The following ZNF69 variants were observed in gnomAD, a reference collection of about 807,000 sequenced individuals.
The protein encoded by ZNF69 is ZNF3.
In ZNF69, 47 loss-of-function variants were observed where a neutral mutation model predicts 50.9. The observed-to-expected ratio is 0.92, with a 90% confidence interval of 0.73 to 1.18. The LOEUF (loss-of-function observed/expected upper bound fraction) is 1.18. Among genes scored for constraint, ZNF69 ranks in the 50% most tolerant of loss-of-function variants. ZNF69 has a pLI of 0.00. For synonymous variants in ZNF69, 216 were observed against 223.1 expected (o/e 0.97, Z 0.29); for missense variants, 717 against 675.1 (o/e 1.06, Z -0.69).
chr19:11,973,494 TG>T, the ZNF69 span, among the ~76,000 whole-genome samples: 1 of 152,162 alleles, frequency 6.6e-6, no homozygotes, highest in African/African-American at 2.4e-5. Flanking sequence ...GGATTCCTCT[TG>T]TGAGCCACCA....
In ZNF69 at chr19:11,905,625, C is replaced by A. The variant is rs1318702304; in HGVS notation, c.1228C>A (p.His410Asn). The A allele has an allele frequency of 1.9e-6, 3 of 1,613,868 alleles. No homozygotes were observed. Among genetic ancestry groups the A allele is most frequent in the Non-Finnish European group, 2.5e-6 (3 of 1,180,008 alleles). The change falls in exon 4 of 4, where the codon CAC (histidine) becomes AAC (asparagine). Residue 410 changes from histidine to asparagine, a missense_variant. By Grantham distance (68) the His-to-Asn change is moderately conservative (BLOSUM62 1). Coordinates refer to ENST00000429654, the MANE Select transcript of ZNF69 (RefSeq NM_001364730.1). ...SSSLRYHERIHTGEKPYECKQ... is the reference protein window; with the variant it reads ...SSSLRYHERINTGEKPYECKQ... ...TTCCCTTCGTTATCATGAAAGGATTCACACTGGAGAGAAACCCTATGAGTG... is the reference window on the plus strand; with the variant it reads ...TTCCCTTCGTTATCATGAAAGGATTAACACTGGAGAGAAACCCTATGAGTG...
the ZNF69 span, among the ~76,000 whole-genome samples, chr19:11,942,014 C>G: frequency 6.6e-6 from 1 of 152,118 alleles, no homozygotes; most frequent in East Asian, 1.9e-4. Context: ...CTCGTTTGGC[C>G]TCTTGTGCAC....
the ZNF69 span, among the ~76,000 whole-genome samples, chr19:11,971,209 T>C: frequency 3.3e-5 from 5 of 152,318 alleles, no homozygotes; most frequent in East Asian, 7.7e-4. Flanking sequence ...AGATCTAGTG[T>C]CTGGTAATGG....
the ZNF69 span, among the ~76,000 whole-genome samples, chr19:11,959,769 A>C: frequency 6.6e-6 from 1 of 152,218 alleles, no homozygotes; most frequent in East Asian, 1.9e-4. Context: ...CAAATTTACT[A>C]TGAAATGTCG....
chr19:11,912,295 GT>G (rs1313391454), intron 4 of ZNF69, among the ~76,000 whole-genome samples: 1 of 152,226 alleles, frequency 6.6e-6, no homozygotes, highest in Non-Finnish European at 1.5e-5. Flanking sequence ...TGTAAGCATT[GT>G]GGGAAAGCAT....
the ZNF69 span, among the ~76,000 whole-genome samples, chr19:11,954,834 C>CA: frequency 8.6e-5 from 13 of 151,038 alleles, no homozygotes; most frequent in African/African-American, 2.4e-4. Flanking sequence ...AAACAAAAAA[C>CA]AAAAAAAATT....
At chr19:11,911,719 G>A (rs780428568) in intron 4 of ZNF69, among the ~76,000 whole-genome samples, 5 of 152,038 alleles carry the variant, frequency 3.3e-5, no homozygotes, top group Non-Finnish European at 5.9e-5. Context: ...TACCTAATAT[G>A]AATGACAAGT....
At chr19:11,937,099 G>A in the ZNF69 span, among the ~76,000 whole-genome samples, 3 of 152,110 alleles carry the variant, frequency 2.0e-5, no homozygotes, top group Non-Finnish European at 4.4e-5. Flanking sequence ...CCAATTTATC[G>A]ATTTTCTCAT....
chr19:11,890,955 A>C (rs971585103), intron 1 of ZNF69, among the ~76,000 whole-genome samples: 12 of 152,164 alleles, frequency 7.9e-5, no homozygotes, highest in Non-Finnish European at 2.9e-5. Context: ...GCAATGGCCC[A>C]TTCAGGAAAA....
rs1599356793 is a variant in ZNF69, at chr19:11,903,928, A to G, written c.214A>G (p.Ile72Val). 2 of 1,614,024 alleles carry G rather than the reference A, an allele frequency of 1.2e-6. No homozygotes were observed. Among genetic ancestry groups the G allele is most frequent in the Non-Finnish European group, 1.7e-6 (2 of 1,179,934 alleles). The part of the protein sequence containing the change: ...SVGKSWKDQN[I>V]EYEYQNPRRN... ...AGGAAAAAGTTGGAAAGACCAGAAC[A>G]TTGAATATGAGTACCAAAACCCCAG... The change falls in exon 3 of 4, where the codon ATT (isoleucine) becomes GTT (valine). Residue 72 changes from isoleucine to valine, a missense_variant. Physicochemically the swap from Ile to Val is conservative, Grantham distance 29. Coordinates refer to ENST00000429654, the MANE Select transcript of ZNF69 (RefSeq NM_001364730.1).
intron 1 of ZNF69, among the ~76,000 whole-genome samples, chr19:11,897,125 A>T (rs1184947615): frequency 6.6e-6 from 1 of 152,200 alleles, no homozygotes; most frequent in Non-Finnish European, 1.5e-5. Context: ...AGGTGGGTGG[A>T]TCACCTGAGG....
At chr19:11,942,257 C>G in the ZNF69 span, among the ~76,000 whole-genome samples, 1 of 151,320 alleles carries the variant, frequency 6.6e-6, no homozygotes, top group African/African-American at 2.4e-5. Flanking sequence ...CTGCTCTTGG[C>G]TAGCTATCTG....
At chr19:11,977,690 A>C in the ZNF69 span, among the ~76,000 whole-genome samples, 2,875 of 152,284 alleles carry the variant, frequency 0.019, 36 homozygotes, top group African/African-American at 0.026. Context: ...GAGACCACAA[A>C]TCAACAACAG....
the ZNF69 span, chr19:11,976,766 T>G: frequency 1.3e-6 from 1 of 746,920 alleles, no homozygotes; most frequent in Non-Finnish European, 1.8e-6. Flanking sequence ...CTCGGGAGGC[T>G]GAGGCAGGAG....
At chr19:11,928,507 C>T in the ZNF69 span, among the ~76,000 whole-genome samples, 1,275 of 148,884 alleles carry the variant, frequency 8.6e-3, 32 homozygotes, top group African/African-American at 0.028. Flanking sequence ...CCGAGGCGGG[C>T]GGATCACGAG....
chr19:11,900,647 G>A (rs1972224391), intron 1 of ZNF69, among the ~76,000 whole-genome samples: 4 of 152,130 alleles, frequency 2.6e-5, no homozygotes, highest in Admixed American at 1.3e-4. Context: ...CACCGTAACC[G>A]GCCTTTTGCT....
At chr19:11,955,386 T>C in the ZNF69 span, among the ~76,000 whole-genome samples, 4 of 148,924 alleles carry the variant, frequency 2.7e-5, no homozygotes, top group African/African-American at 1.0e-4. Context: ...TGATTTCTTT[T>C]TCTTTCTTTC....
chr19:11,936,531 GGTT>G, the ZNF69 span, among the ~76,000 whole-genome samples: 12 of 152,084 alleles, frequency 7.9e-5, no homozygotes, highest in African/African-American at 2.9e-4. Flanking sequence ...TTTTTGATGG[GGTT>G]GTTTGTTTTT....
At chr19:11,960,875 G>T in the ZNF69 span, among the ~76,000 whole-genome samples, 1 of 152,044 alleles carries the variant, frequency 6.6e-6, no homozygotes. Flanking sequence ...CTTGACTCTT[G>T]CTCCCCATCT....
Sources: gnomAD v4.1 joint callset for allele counts (sites outside exome capture counted in the v4.1 genomes callset) on GRCh38, gnomAD v4.1.1 for gene constraint, MANE v1.5 for transcripts, NCBI Gene and HGNC (gene_info 2026-07-23, HGNC 2026-07-21) for gene names.